The following MLLT3 variants were observed in gnomAD, a reference collection of about 807,000 sequenced individuals.
The protein encoded by MLLT3 is protein AF-9.
Under a neutral mutation model 53.2 loss-of-function variants are expected in MLLT3, and 4 were observed. That is an observed-to-expected ratio of 0.08 (90% CI 0.04 to 0.17). The LOEUF (loss-of-function observed/expected upper bound fraction) is 0.17, where lower values mean the gene tolerates loss of function less well. MLLT3 is among the 10% of genes least tolerant of loss of function. The pLI, the probability that MLLT3 is intolerant of heterozygous loss-of-function variation, is 1.00. For synonymous variants in MLLT3, 283 were observed against 230.6 expected, an observed-to-expected ratio of 1.23 and a Z score of -2.06; for missense variants, 569 against 684.0, an observed-to-expected ratio of 0.83 and a Z score of 1.87.
intron 5 of MLLT3, among the ~76,000 whole-genome samples, chr9:20,386,880 T>C (rs1051173383): frequency 3.3e-5 from 5 of 152,214 alleles, no homozygotes; most frequent in African/African-American, 9.7e-5. Flanking sequence ...TATCCACTGC[T>C]CTCCAATATA....
chr9:20,459,335 A>G (rs188394104), intron 2 of MLLT3, among the ~76,000 whole-genome samples: 289 of 152,316 alleles, frequency 1.9e-3, no homozygotes, highest in African/African-American at 6.7e-3. Context: ...GAGTGGCTTC[A>G]GTCTTGCATT....
At chr9:20,361,587 G>A (rs966022406) in intron 7 of MLLT3, among the ~76,000 whole-genome samples, 1 of 152,126 alleles carries the variant, frequency 6.6e-6, no homozygotes, top group South Asian at 2.1e-4. Context: ...CAAAGAAATG[G>A]TATGTTTGGG....
chr9:20,473,969 T>C (rs1434390257), intron 2 of MLLT3, among the ~76,000 whole-genome samples: 4 of 152,142 alleles, frequency 2.6e-5, no homozygotes, highest in African/African-American at 9.7e-5. Flanking sequence ...TGATGCCCAA[T>C]AGAAGTATCA....
chr9:20,594,284 C>T (rs972971155), intron 2 of MLLT3, among the ~76,000 whole-genome samples: 1 of 152,104 alleles, frequency 6.6e-6, no homozygotes, highest in African/African-American at 2.4e-5. Context: ...CTAGATATCA[C>T]CTTTCGTTGG....
chr9:20,522,007 G>GTT (rs11345001), intron 2 of MLLT3, among the ~76,000 whole-genome samples: 3 of 144,866 alleles, frequency 2.1e-5, no homozygotes, highest in African/African-American at 2.5e-5. Flanking sequence ...GACTGTCACA[G>GTT]TTTTTTTTTT....
intron 2 of MLLT3, among the ~76,000 whole-genome samples, chr9:20,617,512 C>T (rs537404164): frequency 5.3e-4 from 81 of 152,174 alleles, no homozygotes; most frequent in African/African-American, 1.9e-3. Flanking sequence ...ATGGCTGTAA[C>T]TGGAAAAAAA....
At position 20,621,639 on chromosome 9, in the gene MLLT3, G is replaced by T; in HGVS notation, c.12+606C>A. ...CCAAAAAATGAAATTCAGAAAGGCA[G>T]GGCGGCGGGCGGACAGCCGCCGAGC... is the stretch of plus-strand genomic sequence containing the variant. On this transcript the variant is annotated intron_variant, in intron 1 of 10. Transcript: ENST00000380338. This position sits in a 1 kb window ranked among gnomAD's most constrained non-coding sequence, Gnocchi z 7.0. The T allele has an allele frequency of 1.2e-6, 1 of 831,016 alleles. No individual in the cohort carries two copies. Among genetic ancestry groups the T allele is most frequent in the Non-Finnish European group, 1.8e-6 (1 of 569,174 alleles). The allele number at this position is 831,016 out of a possible 1,614,324, so 51.5% of individuals were successfully genotyped here.
At chr9:20,532,259 A>G (rs1174372823) in intron 2 of MLLT3, among the ~76,000 whole-genome samples, 2 of 152,092 alleles carry the variant, frequency 1.3e-5, no homozygotes, top group African/African-American at 2.4e-5. Context: ...ATACTTTAAA[A>G]GATTACCTTC....
chr9:20,585,690 C>A (rs1450900299), intron 2 of MLLT3, among the ~76,000 whole-genome samples: 2 of 152,128 alleles, frequency 1.3e-5, no homozygotes, highest in Non-Finnish European at 2.9e-5. Context: ...CACTTATTTG[C>A]CATCTGTACA....
At chr9:20,488,956 G>T (rs1328102603) in intron 2 of MLLT3, among the ~76,000 whole-genome samples, 1 of 152,164 alleles carries the variant, frequency 6.6e-6, no homozygotes, top group East Asian at 1.9e-4. Context: ...GGCAAAAAGT[G>T]TTTCAACTAC....
At chr9:20,410,054 T>C (rs571856061) in intron 5 of MLLT3, among the ~76,000 whole-genome samples, 83 of 152,308 alleles carry the variant, frequency 5.4e-4, no homozygotes, top group African/African-American at 1.8e-3. Context: ...AACTTAAGAC[T>C]TTTTATCTTG....
chr9:20,599,304 CAAAA>C (rs56820558), intron 2 of MLLT3, among the ~76,000 whole-genome samples: 2 of 66,670 alleles, frequency 3.0e-5, no homozygotes, highest in South Asian at 4.7e-4. Flanking sequence ...ACTCTGTCTC[CAAAA>C]AAAAAAAAAA....
intron 2 of MLLT3, among the ~76,000 whole-genome samples, chr9:20,457,781 G>C (rs1279493431): frequency 6.6e-6 from 1 of 152,124 alleles, no homozygotes; most frequent in East Asian, 1.9e-4. Context: ...CAAGCTCTTG[G>C]GGAATGAGAG....
intron 5 of MLLT3, among the ~76,000 whole-genome samples, chr9:20,390,806 A>C (rs770549637): frequency 6.6e-6 from 1 of 152,214 alleles, no homozygotes; most frequent in African/African-American, 2.4e-5. Flanking sequence ...GACAAATCAG[A>C]TATCTTATAG....
intron 4 of MLLT3, among the ~76,000 whole-genome samples, chr9:20,423,509 G>T (rs1373593038): frequency 6.6e-6 from 1 of 151,878 alleles, no homozygotes; most frequent in African/African-American, 2.4e-5. Context: ...AACCAACCAC[G>T]GACCAAGAAT....
intron 2 of MLLT3, among the ~76,000 whole-genome samples, chr9:20,520,201 G>T (rs1818023638): frequency 6.6e-6 from 1 of 152,104 alleles, no homozygotes; most frequent in African/African-American, 2.4e-5. Context: ...CCTGTTGGAG[G>T]GTGGAGAGTG....
chr9:20,426,046 T>C (rs907715436), intron 4 of MLLT3, among the ~76,000 whole-genome samples: 1 of 152,066 alleles, frequency 6.6e-6, no homozygotes, highest in Non-Finnish European at 1.5e-5. Flanking sequence ...TTCAGCTATG[T>C]TGTACGTGCT....
intron 10 of MLLT3, among the ~76,000 whole-genome samples, chr9:20,350,551 C>G (rs895291794): frequency 6.9e-6 from 1 of 144,964 alleles, no homozygotes; most frequent in Non-Finnish European, 1.5e-5. Context: ...GCCGAGATCC[C>G]GCCACTGCAC....
In MLLT3 at chr9:20,406,312, T is replaced by C. The variant is rs552447870; in HGVS notation, c.1125+7409A>G. The stretch of plus-strand genomic sequence containing the variant: ...TCTCTACTAATTCATGCCTCTTTCC[T>C]TCAAAGACCAGCTCAAATTCTAACT... On this transcript the variant is annotated intron_variant, in intron 5 of 10. Transcript: ENST00000380338. 1.1e-3 allele frequency among the ~76,000 whole-genome samples: 164 copies of C among 152,190 alleles called. 1 individual carries two copies. Among genetic ancestry groups the C allele is most frequent in the Admixed American group, 2.6e-3 (40 of 15,260 alleles).
Sources: gnomAD v4.1 joint callset for allele counts (sites outside exome capture counted in the v4.1 genomes callset) on GRCh38, gnomAD v4.1.1 for gene constraint, Gnocchi (gnomAD v3.1) non-coding constraint, MANE v1.5 for transcripts, NCBI Gene and HGNC (gene_info 2026-07-23, HGNC 2026-07-21) for gene names.